The following NDUFA12 variants were observed in gnomAD, a reference collection of about 807,000 sequenced individuals.
NDUFA12 encodes the protein NADH dehydrogenase [ubiquinone] 1 alpha subcomplex subunit 12.
Under a neutral mutation model 20.3 loss-of-function variants are expected in NDUFA12, and 17 were observed. That is an observed-to-expected ratio of 0.84 (90% CI 0.57 to 1.26). The LOEUF (loss-of-function observed/expected upper bound fraction) is 1.26, where lower values mean the gene tolerates loss of function less well. NDUFA12 is among the 50% of genes most tolerant of loss of function. The probability of loss-of-function intolerance (pLI) is 0.00; values close to 1 mark genes in which losing one functional copy is unlikely to be tolerated. For synonymous variants in NDUFA12, 72 were observed against 63.6 expected, an observed-to-expected ratio of 1.13 and a Z score of -0.63; for missense variants, 191 against 183.7, an observed-to-expected ratio of 1.04 and a Z score of -0.23.
At chr12:94,994,411 G>A (rs2136069964) in intron 2 of NDUFA12, 154 bp from the exon 3 acceptor site, 2 of 614,998 alleles carry the variant, frequency 3.3e-6, no homozygotes, top group East Asian at 5.8e-5. Context: ...GTGAATTCGT[G>A]AAGGTAAGCT....
intron 2 of NDUFA12, among the ~76,000 whole-genome samples, chr12:95,002,010 T>C (rs1875057187): frequency 6.6e-6 from 1 of 151,038 alleles, no homozygotes; most frequent in Non-Finnish European, 1.5e-5. Flanking sequence ...GCCGAATTAA[T>C]TGTTAAAAGT....
At position 94,993,043 on chromosome 12, in the gene NDUFA12, A is replaced by G. The variant is rs549001536; in HGVS notation, c.257+1127T>C. On this transcript the variant is annotated intron_variant, in intron 3 of 3. Coordinates refer to ENST00000327772, the MANE Select transcript of NDUFA12 (RefSeq NM_018838.5). ...ATATTCAATAAATATTTTTGTAATGAAATAAATATTGCCAAGTTAAATAAA... is the reference window on the plus strand; with the variant it reads ...ATATTCAATAAATATTTTTGTAATGGAATAAATATTGCCAAGTTAAATAAA... Among the ~76,000 whole-genome samples the G allele has an allele frequency of 3.5e-3, 529 of 152,342 alleles. 2 individuals are homozygous for G. The highest frequency in any genetic ancestry group is 0.012 in the African/African-American group (508 of 41,580).
intron 3 of NDUFA12, among the ~76,000 whole-genome samples, chr12:94,984,000 C>T (rs1271560189): frequency 1.3e-5 from 2 of 151,832 alleles, no homozygotes; most frequent in Admixed American, 6.6e-5. Context: ...GGGTGGCAAG[C>T]TGGTTTGGGG....
intron 3 of NDUFA12, among the ~76,000 whole-genome samples, chr12:94,977,856 G>C (rs1874108753): frequency 1.3e-5 from 2 of 152,108 alleles, no homozygotes; most frequent in Admixed American, 6.6e-5. Context: ...GTGCCATCAA[G>C]GAAAAAACCA....
chr12:94,998,746 A>G (rs1399292336), intron 2 of NDUFA12, among the ~76,000 whole-genome samples: 1 of 152,186 alleles, frequency 6.6e-6, no homozygotes, highest in African/African-American at 2.4e-5. Flanking sequence ...GCAAAAAATA[A>G]AATAAAATAC....
chr12:94,996,632 A>G (rs1310721246), intron 2 of NDUFA12, among the ~76,000 whole-genome samples: 1 of 151,882 alleles, frequency 6.6e-6, no homozygotes, highest in East Asian at 2.0e-4. Flanking sequence ...AGCCTGACCA[A>G]CATAGAGAAA....
intron 3 of NDUFA12, 154 bp from the exon 4 acceptor site, chr12:94,971,774 T>C (rs537260813): frequency 1.2e-6 from 1 of 863,530 alleles, no homozygotes; most frequent in East Asian, 2.4e-5. Flanking sequence ...CTTAGATTTT[T>C]TCCATCTGAA....
chr12:94,971,352 T>C lies in NDUFA12; in HGVS notation c.*88A>G, dbSNP rs1873879133. On this transcript the variant is annotated 3_prime_UTR_variant, in exon 4 of 4. Transcript: ENST00000327772. Reference sequence around the variant, plus strand: ...ACATTGTTTAGTCACACAATTTTAATTGTGAATTATAGTGAATGGTAAACA... The same window carrying C: ...ACATTGTTTAGTCACACAATTTTAACTGTGAATTATAGTGAATGGTAAACA... The C allele has an allele frequency of 7.0e-7, 1 of 1,438,268 alleles. No individual in the cohort carries two copies. The allele number at this position is 1,438,268 out of a possible 1,614,324, so 89.1% of individuals were successfully genotyped here.
intron 3 of NDUFA12, among the ~76,000 whole-genome samples, chr12:94,993,605 A>T (rs1031096870): frequency 8.2e-6 from 1 of 121,218 alleles, no homozygotes; most frequent in Non-Finnish European, 1.7e-5. Flanking sequence ...AGCTTGGGCA[A>T]CAGAGTGAGA....
chr12:94,997,236 C>T (rs10745714), intron 2 of NDUFA12: 59,797 of 152,792 alleles, frequency 0.39, 12,306 homozygotes, highest in East Asian at 0.58. Context: ...AAGATGTTTA[C>T]TTCTTATAGA....
At position 95,003,625 on chromosome 12, in the gene NDUFA12, C is replaced by T. The variant is rs1251805223; in HGVS notation, c.56G>A (p.Gly19Asp). Residue 19 changes from glycine (G) to aspartate (D), a missense_variant, in exon 1 of 4, where the codon GGT becomes GAT. Transcript: ENST00000327772. ...RGLQQITGHG[G>D]LRGYLRVFFR... Reference sequence around the variant, plus strand: ...AAAAACCCGTAGATAGCCTCGGAGACCGCCGTGGCCGGTGATCTGCTGCAG... The same window carrying T: ...AAAAACCCGTAGATAGCCTCGGAGATCGCCGTGGCCGGTGATCTGCTGCAG... 1.2e-6 allele frequency: 2 copies of T among 1,614,074 alleles called. No individual in the cohort carries two copies. Among genetic ancestry groups the T allele is most frequent in the East Asian group, 4.5e-5 (2 of 44,878 alleles).
At chr12:94,973,510 G>A (rs1030485081) in intron 3 of NDUFA12, among the ~76,000 whole-genome samples, 2 of 152,114 alleles carry the variant, frequency 1.3e-5, no homozygotes, top group African/African-American at 2.4e-5. Flanking sequence ...GTGAGCTTAC[G>A]GCACAGCTGA....
intron 3 of NDUFA12, among the ~76,000 whole-genome samples, chr12:94,984,023 A>G (rs1874327332): frequency 1.3e-5 from 2 of 152,060 alleles, no homozygotes. Context: ...CTGGAGGCAA[A>G]ATAGGGTAAG....
intron 2 of NDUFA12, among the ~76,000 whole-genome samples, chr12:94,999,149 G>C (rs1022474163): frequency 2.0e-5 from 3 of 152,230 alleles, no homozygotes; most frequent in African/African-American, 4.8e-5. Context: ...TAGACCAATG[G>C]AACAGAACAG....
chr12:94,987,381 T>G (rs1874480145), intron 3 of NDUFA12, among the ~76,000 whole-genome samples: 1 of 152,206 alleles, frequency 6.6e-6, no homozygotes. Flanking sequence ...AATGTGTGAT[T>G]GGATCTCTCT....
At chr12:94,992,472 C>G (rs923647166) in intron 3 of NDUFA12, among the ~76,000 whole-genome samples, 1 of 152,164 alleles carries the variant, frequency 6.6e-6, no homozygotes, top group Non-Finnish European at 1.5e-5. Flanking sequence ...CCAAGACAGC[C>G]ACACCATTAC....
intron 3 of NDUFA12, among the ~76,000 whole-genome samples, chr12:94,975,202 A>C (rs1439557941): frequency 6.6e-6 from 1 of 152,228 alleles, no homozygotes; most frequent in Non-Finnish European, 1.5e-5. Context: ...AAACACTATA[A>C]ACAGGATTAA....
At position 94,996,486 on chromosome 12, in the gene NDUFA12, T is replaced by A. The variant is rs1380907953; in HGVS notation, c.170-2229A>T. Among the ~76,000 whole-genome samples, 3 of 151,754 alleles carry A rather than the reference T, an allele frequency of 2.0e-5. No individual in the cohort carries two copies. The East Asian group carries it at 5.9e-4, about 30-fold the overall frequency. ...ACCATGCCAGGCCCTAATTTTTTTTTAATTAGCAAAAATAAGAATATTTCC... is the reference window on the plus strand; with the variant it reads ...ACCATGCCAGGCCCTAATTTTTTTTAAATTAGCAAAAATAAGAATATTTCC... On this transcript the variant is annotated intron_variant, in intron 2 of 3. Transcript: ENST00000327772.
intron 3 of NDUFA12, among the ~76,000 whole-genome samples, chr12:94,992,495 A>G (rs1874676232): frequency 6.6e-6 from 1 of 152,174 alleles, no homozygotes; most frequent in Non-Finnish European, 1.5e-5. Context: ...ATCCCAATAT[A>G]TACTGTGATG....
Sources: allele counts gnomAD v4.1 joint callset (sites outside exome capture counted in the v4.1 genomes callset), GRCh38; gene constraint gnomAD v4.1.1; transcripts MANE v1.5; gene names NCBI Gene and HGNC (gene_info 2026-07-23, HGNC 2026-07-21).